PIK3C2A: variants seen among roughly 807,000 people sequenced by gnomAD.
PIK3C2A encodes the protein phosphatidylinositol-4-phosphate 3-kinase catalytic subunit type 2 alpha, also known as phosphatidylinositol 4-phosphate 3-kinase C2 domain-containing subunit alpha.
In PIK3C2A, 97 loss-of-function variants were observed where a neutral mutation model predicts 204.5. The ratio of observed to expected loss-of-function variants is 0.47; its 90% CI spans 0.40 to 0.56. PIK3C2A has a LOEUF of 0.56. Among genes scored for constraint, PIK3C2A ranks in the 20% least tolerant of loss-of-function variants. The pLI, the probability that PIK3C2A is intolerant of heterozygous loss-of-function variation, is 0.00. For synonymous variants in PIK3C2A, 653 were observed against 664.4 expected (o/e 0.98, Z 0.26); for missense variants, 1,735 against 1,969.2 (o/e 0.88, Z 2.25).
intron 1 of PIK3C2A, among the ~76,000 whole-genome samples, chr11:17,182,007 G>A (rs754176138): frequency 6.6e-6 from 1 of 151,258 alleles, no homozygotes; most frequent in African/African-American, 2.4e-5. Flanking sequence ...AAAGAGAATC[G>A]CTTGAACCTG....
rs1850397393 is a variant in PIK3C2A, at chr11:17,150,663, C to A, written c.1170-8G>T. The stretch of plus-strand genomic sequence containing the variant: ...GGAAATTTGGTCTTCAATCTGTTCA[C>A]AAGAAAGAAGAAATTAAATTCTTTT... On this transcript the variant is annotated splice_polypyrimidine_tract_variant and splice_region_variant and intron_variant, in intron 3 of 32. Coordinates refer to ENST00000691414, the MANE Select transcript of PIK3C2A (RefSeq NM_002645.4). 6.4e-7 allele frequency: 1 copy of A among 1,568,934 alleles called. No individual in the cohort carries two copies. The highest frequency in any genetic ancestry group is 1.2e-5 in the South Asian group (1 of 84,608).
At chr11:17,165,552 G>C (rs1318480244) in intron 2 of PIK3C2A, among the ~76,000 whole-genome samples, 3 of 151,974 alleles carry the variant, frequency 2.0e-5, no homozygotes, top group Non-Finnish European at 4.4e-5. Flanking sequence ...GAGGCAGGCA[G>C]ATCACCTGAG....
intron 13 of PIK3C2A, among the ~76,000 whole-genome samples, chr11:17,127,670 G>C (rs1849567411): frequency 6.6e-6 from 1 of 152,148 alleles, no homozygotes; most frequent in African/African-American, 2.4e-5. Context: ...TGTCAAGTCA[G>C]TGTTTTGAAC....
At chr11:17,112,247 T>C (rs1021218988) in intron 21 of PIK3C2A, among the ~76,000 whole-genome samples, 1 of 151,392 alleles carries the variant, frequency 6.6e-6, no homozygotes, top group African/African-American at 2.4e-5. Context: ...AGGTCAGGAG[T>C]TCAAGACCAG....
At chr11:17,179,533 C>T (rs937858750) in intron 1 of PIK3C2A, among the ~76,000 whole-genome samples, 2 of 152,076 alleles carry the variant, frequency 1.3e-5, no homozygotes, top group Non-Finnish European at 2.9e-5. Context: ...TTTCTAATTA[C>T]CTTAATATTC....
At chr11:17,168,524 T>G in intron 2 of PIK3C2A, among the ~76,000 whole-genome samples, 153 bp downstream of exon 2, 1 of 152,108 alleles carries the variant, frequency 6.6e-6, no homozygotes, top group Non-Finnish European at 1.5e-5. Flanking sequence ...GAGCTTGCAG[T>G]GAGCCGAAAT....
At chr11:17,165,714 G>T (rs1174703725) in intron 2 of PIK3C2A, among the ~76,000 whole-genome samples, 1 of 149,710 alleles carries the variant, frequency 6.7e-6, no homozygotes, top group African/African-American at 2.5e-5. Flanking sequence ...GGCAGAGGTT[G>T]CGGTGAGCTG....
At chr11:17,097,034 A>G (rs1430037921) in intron 27 of PIK3C2A, 23 bp downstream of exon 27, 1 of 1,323,308 alleles carries the variant, frequency 7.6e-7, no homozygotes, top group Non-Finnish European at 1.1e-6. Context: ...ATGATTGTTT[A>G]TGAATATTGA....
intron 2 of PIK3C2A, among the ~76,000 whole-genome samples, chr11:17,162,501 C>G (rs1850810276): frequency 6.6e-6 from 1 of 152,178 alleles, no homozygotes; most frequent in Admixed American, 6.5e-5. Context: ...AACAATTTCT[C>G]CATGCATAGT....
rs1438344050 is a variant in PIK3C2A, at chr11:17,089,326, G to C, written c.*412C>G. 1 of 153,684 alleles carries C rather than the reference G, an allele frequency of 6.5e-6. No homozygotes were observed. The highest frequency in any genetic ancestry group is 1.4e-5 in the Non-Finnish European group (1 of 69,196). 9.5% of individuals were successfully genotyped at this position (153,684 alleles called of 1,614,324 possible). On this transcript the variant is annotated 3_prime_UTR_variant, in exon 33 of 33. Transcript: ENST00000691414. ...ACATCCTGCATTTTTCCTTTACTTT[G>C]GTGTTTGTGAACATTACACAGTGGT...
chr11:17,114,789 G>A (rs1455994129), intron 19 of PIK3C2A, among the ~76,000 whole-genome samples: 2 of 152,140 alleles, frequency 1.3e-5, no homozygotes, highest in Non-Finnish European at 2.9e-5. Context: ...GTTAGGAAAC[G>A]ATTTCATAAC....
chr11:17,194,199 G>A (rs1225056090), intron 1 of PIK3C2A: 36 of 462,838 alleles, frequency 7.8e-5, no homozygotes, highest in East Asian at 3.1e-4. Context: ...GGGTTGTGCC[G>A]GCCAAACGAC....
At position 17,089,932 on chromosome 11, in the gene PIK3C2A, G is replaced by GA; in HGVS notation, c.4879-13dup. Reference sequence around the variant, plus strand: ...CCACTGTATACAAGCTACAACAAAGGAAAAAAGAACAGTAAATCACAAATT... The same window carrying GA: ...CCACTGTATACAAGCTACAACAAAGGAAAAAAAGAACAGTAAATCACAAATT... On this transcript the variant is annotated splice_polypyrimidine_tract_variant and intron_variant, in intron 32 of 32. Transcript: ENST00000691414. The GA allele has an allele frequency of 6.6e-7, 1 of 1,521,844 alleles. No individual in the cohort carries two copies. Among genetic ancestry groups the GA allele is most frequent in the Non-Finnish European group, 8.9e-7 (1 of 1,127,976 alleles). 94.3% of individuals were successfully genotyped at this position (1,521,844 alleles called of 1,614,324 possible). A position where few individuals can be genotyped will look rare whatever the true frequency, so the allele number is the denominator to read the frequency against.
At chr11:17,140,846 GA>G (rs1306840416) in intron 8 of PIK3C2A, among the ~76,000 whole-genome samples, 1 of 152,124 alleles carries the variant, frequency 6.6e-6, no homozygotes, top group Non-Finnish European at 1.5e-5. Context: ...AAAGGAGGGG[GA>G]TAAGTATAAT....
At chr11:17,164,510 A>G in intron 2 of PIK3C2A, among the ~76,000 whole-genome samples, 1 of 152,234 alleles carries the variant, frequency 6.6e-6, no homozygotes, top group Non-Finnish European at 1.5e-5. Context: ...TAAGACTGGC[A>G]AGTAGCCTAA....
chr11:17,131,207 CT>C (rs1381381583), intron 12 of PIK3C2A, among the ~76,000 whole-genome samples: 1 of 151,970 alleles, frequency 6.6e-6, no homozygotes, highest in Non-Finnish European at 1.5e-5. Flanking sequence ...AAAAAGATAA[CT>C]TTTTTCGTTA....
chr11:17,130,449 G>A (rs1258344333), intron 12 of PIK3C2A, among the ~76,000 whole-genome samples: 1 of 152,060 alleles, frequency 6.6e-6, no homozygotes, highest in Non-Finnish European at 1.5e-5. Flanking sequence ...AATGTGGAAC[G>A]AATAGTAAAA....
intron 1 of PIK3C2A, among the ~76,000 whole-genome samples, chr11:17,171,240 C>T (rs1480714981): frequency 6.6e-6 from 1 of 152,036 alleles, no homozygotes; most frequent in Non-Finnish European, 1.5e-5. Context: ...CATAAAAGTG[C>T]CTCTCATTGG....
At position 17,114,450 on chromosome 11, in the gene PIK3C2A, T is replaced by C. The variant is rs149552115; in HGVS notation, c.3232A>G (p.Ser1078Gly). 5.2e-6 allele frequency: 8 copies of C among 1,540,310 alleles called. No homozygotes were observed. The highest frequency in any genetic ancestry group is 7.2e-6 in the Non-Finnish European group (8 of 1,113,684). ...AAAAAGGACTGTACTCGTTCCATAC[T>C]TCTTTGGAGAACAACCTATAGAAAG... ...GSARQVVLQR[S>G]MERVQSFFQK... Residue 1078 changes from serine to glycine, a missense_variant, in exon 20 of 33, where the codon AGT (serine) becomes GGT (glycine). Around this residue, in one of 6 missense-constraint regions of PIK3C2A, gnomAD observed 567 missense variants for 576.0 expected, o/e 0.98. Transcript: ENST00000691414.
Sources: gnomAD v4.1 joint callset for allele counts (sites outside exome capture counted in the v4.1 genomes callset) on GRCh38, gnomAD v4.1.1 for gene constraint, gnomAD v4.1.1 regional missense constraint, MANE v1.5 for transcripts, NCBI Gene and HGNC (gene_info 2026-07-23, HGNC 2026-07-21) for gene names.